The following SPDYE10 variants were observed in gnomAD, a reference collection of about 807,000 sequenced individuals.
SPDYE10 encodes the protein speedy protein E10.
the SPDYE10 span, among the ~76,000 whole-genome samples, chr7:73,149,726 T>C: frequency 1.5e-5 from 2 of 134,972 alleles, no homozygotes; most frequent in African/African-American, 5.8e-5. Context: ...CTTAGCATGC[T>C]CTAGTAGTTG....
chr7:73,127,661 C>G, the SPDYE10 span, among the ~76,000 whole-genome samples: 2 of 115,834 alleles, frequency 1.7e-5, no homozygotes, highest in Non-Finnish European at 3.8e-5. Flanking sequence ...AAAAAACAGG[C>G]AAAGAATATG....
At chr7:73,113,723 A>T in the SPDYE10 span, among the ~76,000 whole-genome samples, 2 of 152,106 alleles carry the variant, frequency 1.3e-5, no homozygotes, top group Admixed American at 1.3e-4. Flanking sequence ...GTGAAACCGC[A>T]TCTCTACTAA....
the SPDYE10 span, among the ~76,000 whole-genome samples, chr7:73,149,496 C>T: frequency 6.8e-6 from 1 of 147,658 alleles, no homozygotes; most frequent in African/African-American, 2.5e-5. Context: ...ACCATGTTAG[C>T]CAGGATGGTC....
the SPDYE10 span, among the ~76,000 whole-genome samples, chr7:73,115,378 G>A: frequency 6.6e-6 from 1 of 151,900 alleles, no homozygotes; most frequent in Non-Finnish European, 1.5e-5. Context: ...CTGTAGAGGA[G>A]CGGAGAGGGA....
chr7:73,142,823 C>T, the SPDYE10 span, among the ~76,000 whole-genome samples: 2 of 151,946 alleles, frequency 1.3e-5, no homozygotes, highest in Non-Finnish European at 2.9e-5. Context: ...GTCCCAGCTA[C>T]TTGGGAGTCT....
At chr7:73,126,899 G>A in the SPDYE10 span, among the ~76,000 whole-genome samples, 4 of 127,140 alleles carry the variant, frequency 3.1e-5, no homozygotes, top group African/African-American at 1.2e-4. Context: ...AATCTTTATT[G>A]TTGTTGGTGG....
At chr7:73,123,788 C>CCTCTCCCTCTCTCTCTCTCTCTCT in the SPDYE10 span, among the ~76,000 whole-genome samples, 1 of 97,458 alleles carries the variant, frequency 1.0e-5, no homozygotes, top group Non-Finnish European at 1.9e-5. Context: ...TCTCTCTCTC[C>CCTCTCCCTCTCTCTCTCTCTCTCT]CTCTCTCTCT....
At chr7:73,137,618 G>GAA in the SPDYE10 span, among the ~76,000 whole-genome samples, 3 of 141,456 alleles carry the variant, frequency 2.1e-5, no homozygotes, top group Non-Finnish European at 1.5e-5. Flanking sequence ...AAGAAAGAAA[G>GAA]AAAGAAAGAA....
chr7:73,135,356 C>T, the SPDYE10 span, among the ~76,000 whole-genome samples: 40 of 151,382 alleles, frequency 2.6e-4, no homozygotes, highest in East Asian at 5.8e-3. Flanking sequence ...ATACAAGCCA[C>T]AAAGGGAGCC....
chr7:73,104,525 A>C, the SPDYE10 span: 1 of 101,716 alleles, frequency 9.8e-6, no homozygotes, highest in Non-Finnish European at 2.2e-5. Context: ...TAAATAAATA[A>C]ATATATTTAA....
At chr7:73,142,556 C>A in the SPDYE10 span, among the ~76,000 whole-genome samples, 1 of 152,198 alleles carries the variant, frequency 6.6e-6, no homozygotes, top group Non-Finnish European at 1.5e-5. Context: ...AGAACAGGAT[C>A]TTTTGGAAAG....
the SPDYE10 span, among the ~76,000 whole-genome samples, chr7:73,149,034 G>A: frequency 6.6e-6 from 1 of 151,616 alleles, no homozygotes; most frequent in African/African-American, 2.4e-5. Flanking sequence ...AGGCTGGAAT[G>A]CAATGGTGCA....
the SPDYE10 span, among the ~76,000 whole-genome samples, chr7:73,113,842 T>C: frequency 6.6e-6 from 1 of 151,928 alleles, no homozygotes; most frequent in Non-Finnish European, 1.5e-5. Flanking sequence ...GAGACCATCC[T>C]GGCTAACACC....
chr7:73,142,667 T>C, the SPDYE10 span, among the ~76,000 whole-genome samples: 2 of 152,104 alleles, frequency 1.3e-5, no homozygotes, highest in Non-Finnish European at 2.9e-5. Context: ...CCAGGCACAG[T>C]GGCTGATGCC....
chr7:73,134,537 A>AAGAAAGAAAGAAAGAAAT, the SPDYE10 span, among the ~76,000 whole-genome samples: 3 of 139,634 alleles, frequency 2.1e-5, no homozygotes, highest in African/African-American at 8.5e-5. Context: ...GAAAGAAAGA[A>AAGAAAGAAAGAAAGAAAT]AAAGAAAGAA....
the SPDYE10 span, among the ~76,000 whole-genome samples, chr7:73,129,813 AC>A: frequency 6.6e-6 from 1 of 152,190 alleles, no homozygotes; most frequent in African/African-American, 2.4e-5. Context: ...TTTTAAAAAA[AC>A]ATATGCACGA....
chr7:73,104,025 G>A, the SPDYE10 span, among the ~76,000 whole-genome samples: 1 of 146,748 alleles, frequency 6.8e-6, no homozygotes, highest in Non-Finnish European at 1.5e-5. Context: ...CACTGTGAAG[G>A]TGAGAAAAGT....
chr7:73,150,946 A>ATTTTT, the SPDYE10 span, among the ~76,000 whole-genome samples: 1 of 11,326 alleles, frequency 8.8e-5, no homozygotes, highest in African/African-American at 4.1e-4. Flanking sequence ...ATATATATAT[A>ATTTTT]TATTTTTTTT....
the SPDYE10 span, among the ~76,000 whole-genome samples, chr7:73,147,163 C>CT: frequency 6.9e-6 from 1 of 144,832 alleles, no homozygotes; most frequent in Admixed American, 6.9e-5. Context: ...TTTTTCTTTT[C>CT]TTTTTTTTTT....
Sources: gnomAD v4.1 joint callset for allele counts (sites outside exome capture counted in the v4.1 genomes callset) on GRCh38, gnomAD v4.1.1 for gene constraint, MANE v1.5 for transcripts, NCBI Gene and HGNC (gene_info 2026-07-23, HGNC 2026-07-21) for gene names.